The following SMURF1 variants were observed in gnomAD, a reference collection of about 807,000 sequenced individuals.
SMURF1 encodes the protein SMAD specific E3 ubiquitin protein ligase 1, also known as E3 ubiquitin-protein ligase SMURF1.
A neutral mutation model predicts 98.0 loss-of-function variants in SMURF1; 44 were observed. The observed-to-expected ratio is 0.45, with a 90% CI of 0.35 to 0.58. The LOEUF is 0.58. SMURF1 is among the 20% of genes least tolerant of loss of function. The pLI is 0.00. For synonymous variants in SMURF1, 396 were observed against 374.9 expected, an observed-to-expected ratio of 1.06 and a Z score of -0.65; for missense variants, 687 against 938.4, an observed-to-expected ratio of 0.73 and a Z score of 3.50.
At chr7:99,051,064 TG>T in intron 8 of SMURF1, 1 of 1,386,738 alleles carries the variant, frequency 7.2e-7, no homozygotes, top group Admixed American at 2.3e-5. Context: ...TGACTTATGA[TG>T]GAAAATTTTA....
At position 99,127,362 on chromosome 7, in the gene SMURF1, T is replaced by TA. The variant is rs35208209; in HGVS notation, c.55+16363dup. On this transcript the variant is annotated intron_variant, in intron 1 of 17. Transcript: ENST00000361368. ...GGAGTGAGAAAAGGAAGAGGCATTTTAAAAAAATCTCTGGAAGAACACAAG... is the reference window on the plus strand; with the variant it reads ...GGAGTGAGAAAAGGAAGAGGCATTTTAAAAAAAATCTCTGGAAGAACACAAG... Among the ~76,000 whole-genome samples, 1,394 of 152,060 alleles carry TA rather than the reference T, an allele frequency of 9.2e-3. 7 individuals carry two copies. Among genetic ancestry groups the TA allele is most frequent in the Admixed American group, 0.014 (213 of 15,240 alleles).
At chr7:99,080,590 C>T (rs56140509) in intron 1 of SMURF1, among the ~76,000 whole-genome samples, 2,056 of 152,288 alleles carry the variant, frequency 0.014, 39 homozygotes, top group African/African-American at 0.045. Context: ...TGAGCCACCA[C>T]GCCCGGCTAA....
At chr7:99,088,428 C>T (rs1366483555) in intron 1 of SMURF1, among the ~76,000 whole-genome samples, 1 of 151,928 alleles carries the variant, frequency 6.6e-6, no homozygotes. Flanking sequence ...TAGTTCAAGT[C>T]CCCCGTCCCC....
intron 1 of SMURF1, among the ~76,000 whole-genome samples, chr7:99,101,016 G>A (rs1221833536): frequency 6.6e-6 from 1 of 152,194 alleles, no homozygotes; most frequent in Non-Finnish European, 1.5e-5. Context: ...ATTTTTAAAT[G>A]CATTCGATAA....
intron 6 of SMURF1, among the ~76,000 whole-genome samples, chr7:99,053,049 T>A (rs1197261186): frequency 3.9e-5 from 6 of 152,140 alleles, no homozygotes; most frequent in Non-Finnish European, 7.3e-5. Flanking sequence ...AGAGCGAGAC[T>A]CCATCTTTAA....
chr7:99,079,518 T>G (rs563283245), intron 1 of SMURF1, among the ~76,000 whole-genome samples: 2 of 152,220 alleles, frequency 1.3e-5, no homozygotes, highest in African/African-American at 2.4e-5. Flanking sequence ...TAAAAGTGTT[T>G]CCTCGTAAAA....
intron 1 of SMURF1, among the ~76,000 whole-genome samples, chr7:99,105,759 G>C (rs1366339484): frequency 6.6e-6 from 1 of 152,174 alleles, no homozygotes; most frequent in African/African-American, 2.4e-5. Flanking sequence ...GTGTGTCACA[G>C]AGGGGCCTAA....
intron 12 of SMURF1, among the ~76,000 whole-genome samples, chr7:99,041,258 T>C (rs1234862044): frequency 6.6e-6 from 1 of 151,938 alleles, no homozygotes; most frequent in Non-Finnish European, 1.5e-5. Context: ...AAAAACTAGC[T>C]GGGCCTGGTG....
In SMURF1 at chr7:99,114,662, C is replaced by T. The variant is rs901215082; in HGVS notation, c.55+29064G>A. Among the ~76,000 whole-genome samples, 5 of 152,094 alleles carry T rather than the reference C, an allele frequency of 3.3e-5. No homozygotes were observed. In the South Asian group the frequency reaches 8.3e-4, roughly 25 times the overall value. On this transcript the variant is annotated intron_variant, in intron 1 of 17. Coordinates refer to ENST00000361368, the MANE Select transcript of SMURF1 (RefSeq NM_181349.3). ...AATACTATAAAGCAACTATACCTAA[C>T]GGACATATACAGGACAGTTTACCCA...
At chr7:99,060,144 A>G (rs889606656) in intron 3 of SMURF1, among the ~76,000 whole-genome samples, 9 of 151,874 alleles carry the variant, frequency 5.9e-5, no homozygotes, top group Admixed American at 1.3e-4. Context: ...TTGGGAGGCT[A>G]AGGTGGGCAG....
At position 99,057,537 on chromosome 7, in the gene SMURF1, G is replaced by A. The variant is rs749628546; in HGVS notation, c.218C>T (p.Thr73Met). Reference protein sequence around the residue: ...NQHYDLYVGKTDSITISVWNH... With the variant: ...NQHYDLYVGKMDSITISVWNH... ...CCACACGCTAATGGTTATCGAATCC[G>A]TTTTCCCAACATATCTGGAAAGAAA... The change falls in exon 4 of 18, where the codon ACG (threonine) becomes ATG (methionine). Residue 73 changes from threonine (T) to methionine (M), a missense_variant. Transcript: ENST00000361368. The A allele has an allele frequency of 7.2e-6, 11 of 1,520,956 alleles. No individual in the cohort carries two copies. The East Asian group carries it at 7.4e-5, about 10-fold the overall frequency. 94.2% of individuals were successfully genotyped at this position (1,520,956 alleles called of 1,614,324 possible).
chr7:99,043,824 G>T (rs1795476095), intron 11 of SMURF1, among the ~76,000 whole-genome samples: 1 of 152,108 alleles, frequency 6.6e-6, no homozygotes, highest in African/African-American at 2.4e-5. Flanking sequence ...CAACCATGCG[G>T]TGGTCACAGC....
At chr7:99,071,280 G>A (rs905402786) in intron 1 of SMURF1, among the ~76,000 whole-genome samples, 7 of 152,126 alleles carry the variant, frequency 4.6e-5, no homozygotes, top group Middle Eastern at 3.4e-3. Context: ...GGCTGGTCTC[G>A]AACTCCTGAC....
rs914003541 is a variant in SMURF1, at chr7:99,027,447, G to C, written c.*3137C>G. The C allele has an allele frequency of 6.6e-6, 1 of 152,622 alleles. No individual in the cohort carries two copies. The highest frequency in any genetic ancestry group is 1.5e-5 in the Non-Finnish European group (1 of 68,034). The allele number at this position is 152,622 out of a possible 1,614,324, so 9.5% of individuals were successfully genotyped here. On this transcript the variant is annotated 3_prime_UTR_variant, in exon 18 of 18. Coordinates refer to ENST00000361368, the MANE Select transcript of SMURF1 (RefSeq NM_181349.3). Reference sequence around the variant, plus strand: ...TAACAGACGCCAAAAATGTAAAGTCGTGAGTTTATTGCATATGTAACAAAA... The same window carrying C: ...TAACAGACGCCAAAAATGTAAAGTCCTGAGTTTATTGCATATGTAACAAAA...
At chr7:99,143,663 G>A in intron 1 of SMURF1, 63 bp downstream of exon 1, 1 of 1,432,996 alleles carries the variant, frequency 7.0e-7, no homozygotes, top group South Asian at 1.3e-5. Flanking sequence ...AGGGCGCCCT[G>A]CGGGGAATTC....
In SMURF1 at chr7:99,078,845, T is replaced by C. The variant is rs9691200; in HGVS notation, c.56-17008A>G. ...GACTCTGCATGGTGAGTTGTAGAATTATTATATATTGCAATGTAATAATAA... is the reference window on the plus strand; with the variant it reads ...GACTCTGCATGGTGAGTTGTAGAATCATTATATATTGCAATGTAATAATAA... On this transcript the variant is annotated intron_variant, in intron 1 of 17. Coordinates refer to ENST00000361368, the MANE Select transcript of SMURF1 (RefSeq NM_181349.3). 1.3e-3 allele frequency among the ~76,000 whole-genome samples: 191 copies of C among 152,352 alleles called. 1 individual carries two copies. Among genetic ancestry groups the C allele is most frequent in the African/African-American group, 4.5e-3 (187 of 41,576 alleles).
At chr7:99,068,113 CTCT>C (rs754368121) in intron 1 of SMURF1, among the ~76,000 whole-genome samples, 17 of 152,312 alleles carry the variant, frequency 1.1e-4, no homozygotes, top group African/African-American at 3.1e-4. Flanking sequence ...TGTTATTCCT[CTCT>C]TCTTCTTATA....
At chr7:99,085,442 A>G (rs1796660439) in intron 1 of SMURF1, among the ~76,000 whole-genome samples, 1 of 152,120 alleles carries the variant, frequency 6.6e-6, no homozygotes, top group Non-Finnish European at 1.5e-5. Context: ...CTTCCTGTAC[A>G]GCCTGTGGAA....
chr7:99,035,834 G>A (rs1173062227), intron 15 of SMURF1, 118 bp from the exon 16 acceptor site: 5 of 945,258 alleles, frequency 5.3e-6, no homozygotes, highest in South Asian at 3.2e-5. Context: ...AGCAGCAGCT[G>A]TGTACTAGGC....
Sources: gnomAD v4.1 joint callset for allele counts (sites outside exome capture counted in the v4.1 genomes callset) on GRCh38, gnomAD v4.1.1 for gene constraint, MANE v1.5 for transcripts, NCBI Gene and HGNC (gene_info 2026-07-23, HGNC 2026-07-21) for gene names.